The following KLF12 variants were observed in gnomAD, a reference collection of about 807,000 sequenced individuals.
KLF12 encodes Krueppel-like factor 12.
Under a neutral mutation model 37.8 loss-of-function variants are expected in KLF12, and 9 were observed. The observed-to-expected ratio is 0.24, with a 90% CI of 0.14 to 0.42. The LOEUF (loss-of-function observed/expected upper bound fraction) is 0.42, where lower values mean the gene tolerates loss of function less well. Among genes scored for constraint, KLF12 ranks in the 10% least tolerant of loss-of-function variants. The pLI is 1.00. For synonymous variants in KLF12, 208 were observed against 202.1 expected, an observed-to-expected ratio of 1.03 and a Z score of -0.25; for missense variants, 411 against 516.0, an observed-to-expected ratio of 0.80 and a Z score of 1.97.
the KLF12 span, among the ~76,000 whole-genome samples, chr13:74,150,751 C>T: frequency 6.6e-6 from 1 of 152,226 alleles, no homozygotes; most frequent in South Asian, 2.1e-4. Context: ...TGACCATCAA[C>T]CTGATCACCA....
At chr13:73,746,177 T>G (rs1350476098) in intron 6 of KLF12, among the ~76,000 whole-genome samples, 2 of 152,162 alleles carry the variant, frequency 1.3e-5, no homozygotes, top group African/African-American at 4.8e-5. Flanking sequence ...TTTCTTCATG[T>G]GATAAAACAC....
intron 1 of KLF12, among the ~76,000 whole-genome samples, chr13:74,027,370 C>A (rs1376407333): frequency 6.6e-6 from 1 of 152,162 alleles, no homozygotes; most frequent in African/African-American, 2.4e-5. Context: ...AATCCCCCCA[C>A]TTCGCGATGT....
chr13:74,295,904 C>T, the KLF12 span, among the ~76,000 whole-genome samples: 2 of 152,110 alleles, frequency 1.3e-5, no homozygotes, highest in Non-Finnish European at 2.9e-5. Context: ...ACCTCCACCT[C>T]CCAGGCTCAA....
intron 2 of KLF12, among the ~76,000 whole-genome samples, chr13:73,955,574 G>C (rs1890806145): frequency 6.6e-6 from 1 of 152,178 alleles, no homozygotes; most frequent in Non-Finnish European, 1.5e-5. Flanking sequence ...AGACAACCAT[G>C]AAGTGTCTGA....
intron 6 of KLF12, among the ~76,000 whole-genome samples, chr13:73,746,999 T>C (rs1014493469): frequency 6.6e-6 from 1 of 152,004 alleles, no homozygotes; most frequent in Non-Finnish European, 1.5e-5. Context: ...GTATTTTTAG[T>C]AGAGATGGGA....
chr13:74,104,779 A>G (rs1876559903), intron 1 of KLF12, among the ~76,000 whole-genome samples: 1 of 152,164 alleles, frequency 6.6e-6, no homozygotes, highest in African/African-American at 2.4e-5. Context: ...GGGAAAAGAG[A>G]ATCACAATAG....
chr13:74,134,267 G>T (rs1226551634), upstream of KLF12, among the ~76,000 whole-genome samples: 1 of 151,938 alleles, frequency 6.6e-6, no homozygotes, highest in African/African-American at 2.4e-5. Flanking sequence ...CGCCGCTGCC[G>T]GCGAGCCCCG....
chr13:73,986,036 C>CT (rs1291796072), intron 2 of KLF12, among the ~76,000 whole-genome samples: 3 of 152,154 alleles, frequency 2.0e-5, no homozygotes. Context: ...TAAGTGCATG[C>CT]TATCACCTCA....
chr13:73,892,105 A>G (rs1887535000), intron 3 of KLF12, among the ~76,000 whole-genome samples: 1 of 151,924 alleles, frequency 6.6e-6, no homozygotes, highest in South Asian at 2.1e-4. Context: ...TTTTAATGGT[A>G]TTAACTTATG....
At chr13:73,764,812 G>A (rs548860343) in intron 6 of KLF12, 126 bp downstream of exon 6, 10 of 570,390 alleles carry the variant, frequency 1.8e-5, no homozygotes, top group South Asian at 2.9e-5. Context: ...AAGGAAGACC[G>A]CATAGTCCAG....
At chr13:73,924,560 T>C (rs753634188) in intron 3 of KLF12, among the ~76,000 whole-genome samples, 4 of 152,054 alleles carry the variant, frequency 2.6e-5, no homozygotes, top group African/African-American at 4.8e-5. Context: ...CATTCCCCTA[T>C]CTCTTTCCAT....
At chr13:74,135,881 G>T (rs1878537807), upstream of KLF12, among the ~76,000 whole-genome samples, 1 of 152,254 alleles carries the variant, frequency 6.6e-6, no homozygotes, top group African/African-American at 2.4e-5. Flanking sequence ...GTGAGCCAGG[G>T]CCAGCTGGGC....
chr13:74,068,489 G>A (rs974149482), intron 1 of KLF12, among the ~76,000 whole-genome samples: 4 of 152,074 alleles, frequency 2.6e-5, no homozygotes, highest in African/African-American at 9.7e-5. Context: ...GGAAGAAAGT[G>A]TGGATCCTAC....
At chr13:74,207,634 C>T in the KLF12 span, among the ~76,000 whole-genome samples, 1 of 152,150 alleles carries the variant, frequency 6.6e-6, no homozygotes, top group Non-Finnish European at 1.5e-5. Context: ...AAGATCTCCC[C>T]TGCACTCCAG....
At chr13:74,065,155 C>T (rs898931191) in intron 1 of KLF12, among the ~76,000 whole-genome samples, 1 of 151,448 alleles carries the variant, frequency 6.6e-6, no homozygotes, top group African/African-American at 2.4e-5. Flanking sequence ...TTTACTGATT[C>T]ATACATACAA....
At chr13:74,243,704 AATG>A in the KLF12 span, among the ~76,000 whole-genome samples, 472 of 152,294 alleles carry the variant, frequency 3.1e-3, 3 homozygotes, top group African/African-American at 0.011. Flanking sequence ...TCTAATGACT[AATG>A]ATGATGAACA....
At chr13:74,271,007 A>G in the KLF12 span, among the ~76,000 whole-genome samples, 1 of 152,140 alleles carries the variant, frequency 6.6e-6, no homozygotes, top group Non-Finnish European at 1.5e-5. Flanking sequence ...GAAGGAGGTG[A>G]GCGGTGGGTG....
At chr13:74,079,490 A>T (rs1159908599) in intron 1 of KLF12, among the ~76,000 whole-genome samples, 1 of 152,240 alleles carries the variant, frequency 6.6e-6, no homozygotes. Context: ...TCTGGAAAGG[A>T]CCTAAATTCA....
Position 73,846,010 on chromosome 13 carries a change from T to C in KLF12, c.487A>G (p.Ile163Val), listed in dbSNP as rs968928097. The change falls in exon 4 of 8, where the codon ATT (isoleucine) becomes GTT (valine). Residue 163 changes from isoleucine (I) to valine (V), a missense_variant. By Grantham distance (29) the Ile-to-Val change is conservative (BLOSUM62 3). This residue lies in a region of KLF12 where 351 missense variants were observed against 397.8 expected (regional missense o/e 0.88). Transcript: ENST00000377669. ...CTTGAAGGCGGTACGGGATGGATAA[T>C]GTGCAAAAACTGCTGGCCTCCAACA... 6.2e-7 allele frequency: 1 copy of C among 1,613,990 alleles called. No homozygotes were observed. Among genetic ancestry groups the C allele is most frequent in the East Asian group, 2.2e-5 (1 of 44,876 alleles).
Sources: allele counts gnomAD v4.1 joint callset (sites outside exome capture counted in the v4.1 genomes callset), GRCh38; gene constraint gnomAD v4.1.1; regional missense constraint gnomAD v4.1.1; transcripts MANE v1.5; gene names NCBI Gene and HGNC (gene_info 2026-07-23, HGNC 2026-07-21).